The following OLA1 variants were observed in gnomAD, a reference collection of about 807,000 sequenced individuals.
The protein encoded by OLA1 is Obg like ATPase 1, also known as obg-like ATPase 1.
In OLA1, 14 loss-of-function variants were observed where a neutral mutation model predicts 48.4. The ratio of observed to expected loss-of-function variants is 0.29; its 90% confidence interval spans 0.19 to 0.45. The LOEUF (loss-of-function observed/expected upper bound fraction) is 0.45. Among genes scored for constraint, OLA1 ranks in the 20% least tolerant of loss-of-function variants. The probability of loss-of-function intolerance (pLI) is 1.00; values close to 1 mark genes in which losing one functional copy is unlikely to be tolerated. For missense variants in OLA1, 325 were observed against 467.1 expected, an observed-to-expected ratio of 0.70 and a Z score of 2.80; for synonymous variants, 127 against 150.4, an observed-to-expected ratio of 0.84 and a Z score of 1.14.
intron 5 of OLA1, among the ~76,000 whole-genome samples, chr2:174,124,797 C>T (rs1011332929): frequency 6.6e-6 from 1 of 152,074 alleles, no homozygotes; most frequent in Admixed American, 6.5e-5. Context: ...CTTTAAATAT[C>T]CATTTGTATA....
chr2:174,215,445 G>A (rs1166433661), intron 4 of OLA1, among the ~76,000 whole-genome samples: 1 of 152,110 alleles, frequency 6.6e-6, no homozygotes, highest in Non-Finnish European at 1.5e-5. Flanking sequence ...TGAATTTCAA[G>A]GATTCACTTA....
At chr2:174,134,887 C>A (rs922443413) in intron 5 of OLA1, among the ~76,000 whole-genome samples, 1 of 152,126 alleles carries the variant, frequency 6.6e-6, no homozygotes, top group Non-Finnish European at 1.5e-5. Context: ...TGGGGCCGGG[C>A]GTGGTGGCTC....
At chr2:174,089,593 T>G (rs1685059470) in intron 7 of OLA1, among the ~76,000 whole-genome samples, 1 of 152,168 alleles carries the variant, frequency 6.6e-6, no homozygotes, top group African/African-American at 2.4e-5. Flanking sequence ...TGGTCAACAG[T>G]GTCTTACTTT....
intron 1 of OLA1, chr2:174,247,672 G>A (rs1054546441): frequency 1.3e-6 from 2 of 1,550,934 alleles, no homozygotes; most frequent in African/African-American, 2.7e-5. Flanking sequence ...ACACCCACCA[G>A]GTACTGGGGT....
Position 174,246,703 on chromosome 2 carries a change from A to T in OLA1, c.101+12T>A. On this transcript the variant is annotated intron_variant, in intron 2 of 10. Coordinates refer to ENST00000284719, the MANE Select transcript of OLA1 (RefSeq NM_013341.5). ...CAAAATGAAAATCACAAAAGCCCCA[A>T]CGTTCACCTACCCAACATTTGGCAA... 6.5e-7 allele frequency: 1 copy of T among 1,541,374 alleles called. No homozygotes were observed. Among genetic ancestry groups the T allele is most frequent in the Non-Finnish European group, 8.9e-7 (1 of 1,117,548 alleles).
At chr2:174,127,745 A>C (rs1253707859) in intron 5 of OLA1, among the ~76,000 whole-genome samples, 1 of 152,166 alleles carries the variant, frequency 6.6e-6, no homozygotes, top group East Asian at 1.9e-4. Flanking sequence ...CAGTTAATTA[A>C]GTAAATGTTC....
intron 7 of OLA1, among the ~76,000 whole-genome samples, chr2:174,114,588 A>G (rs557177749): frequency 6.6e-6 from 1 of 152,278 alleles, no homozygotes; most frequent in Non-Finnish European, 1.5e-5. Flanking sequence ...TTTAAATTTC[A>G]AAATGGATTA....
At chr2:174,241,822 C>G (rs1574576197) in intron 2 of OLA1, among the ~76,000 whole-genome samples, 2 of 152,200 alleles carry the variant, frequency 1.3e-5, no homozygotes, top group South Asian at 2.1e-4. Context: ...TTTTAGTAGA[C>G]ATGGGGTTTC....
intron 5 of OLA1, among the ~76,000 whole-genome samples, chr2:174,134,031 G>A (rs1324706114): frequency 2.0e-5 from 3 of 152,086 alleles, no homozygotes; most frequent in South Asian, 2.1e-4. Flanking sequence ...AATCATTCAC[G>A]ATGTGACCTT....
At chr2:174,185,815 C>T (rs530651428) in intron 4 of OLA1, among the ~76,000 whole-genome samples, 3 of 152,142 alleles carry the variant, frequency 2.0e-5, no homozygotes, top group Admixed American at 1.3e-4. Context: ...GTAGTCCTAG[C>T]TACTTGGGAG....
intron 4 of OLA1, among the ~76,000 whole-genome samples, chr2:174,144,930 T>TAAAAAA (rs71021671): frequency 7.3e-5 from 3 of 41,116 alleles, no homozygotes; most frequent in African/African-American, 1.1e-4. Context: ...AGACCCTGTT[T>TAAAAAA]AAAAAAAAAA....
At chr2:174,223,304 T>C in intron 3 of OLA1, 144 bp from the exon 4 acceptor site, 1 of 724,548 alleles carries the variant, frequency 1.4e-6, no homozygotes, top group Non-Finnish European at 2.1e-6. Flanking sequence ...TATCCACCCC[T>C]CCCCCCAAAA....
At chr2:174,126,565 A>C (rs1686049113) in intron 5 of OLA1, among the ~76,000 whole-genome samples, 1 of 152,212 alleles carries the variant, frequency 6.6e-6, no homozygotes. Context: ...CTAATTCAAG[A>C]GGTAACAGTA....
chr2:174,224,498 T>C (rs922056533), intron 3 of OLA1, among the ~76,000 whole-genome samples: 5 of 152,154 alleles, frequency 3.3e-5, no homozygotes, highest in Non-Finnish European at 5.9e-5. Context: ...AAGCCAGGCA[T>C]GGTGGCATAC....
chr2:174,247,884 G>A, intron 1 of OLA1: 2 of 1,277,458 alleles, frequency 1.6e-6, no homozygotes, highest in Admixed American at 2.3e-5. Flanking sequence ...CCCACCCTTG[G>A]ACTGCAAAGT....
At chr2:174,218,665 G>A (rs1688419402) in intron 4 of OLA1, among the ~76,000 whole-genome samples, 1 of 152,068 alleles carries the variant, frequency 6.6e-6, no homozygotes, top group Admixed American at 6.6e-5. Flanking sequence ...AGTACACTTT[G>A]CAAACAAACC....
intron 4 of OLA1, among the ~76,000 whole-genome samples, chr2:174,212,401 G>A (rs953430578): frequency 6.6e-6 from 1 of 152,192 alleles, no homozygotes; most frequent in Non-Finnish European, 1.5e-5. Context: ...AAGTTGCTCT[G>A]GCTAAGTCAG....
At chr2:174,148,285 G>A (rs7581106) in intron 4 of OLA1, among the ~76,000 whole-genome samples, 41,232 of 151,986 alleles carry the variant, frequency 0.27, 6,236 homozygotes, top group Non-Finnish European at 0.35. Context: ...CTACTTGGGG[G>A]TGCTGAGGCA....
At chr2:174,178,380 T>C (rs1202110514) in intron 4 of OLA1, among the ~76,000 whole-genome samples, 1 of 151,924 alleles carries the variant, frequency 6.6e-6, no homozygotes, top group Non-Finnish European at 1.5e-5. Flanking sequence ...AAATAAACAC[T>C]GGTAAAACAA....
Sources: gnomAD v4.1 joint callset for allele counts (sites outside exome capture counted in the v4.1 genomes callset) on GRCh38, gnomAD v4.1.1 for gene constraint, MANE v1.5 for transcripts, NCBI Gene and HGNC (gene_info 2026-07-23, HGNC 2026-07-21) for gene names.